The following SGK1 variants were observed in gnomAD, a reference collection of about 807,000 sequenced individuals.
SGK1 encodes the protein serine/threonine-protein kinase Sgk1.
In SGK1, 26 loss-of-function variants were observed where a neutral mutation model predicts 64.2. That is an observed-to-expected ratio of 0.40 (90% CI 0.30 to 0.56). SGK1 has a LOEUF of 0.56. Among genes scored for constraint, SGK1 ranks in the 20% least tolerant of loss-of-function variants. The probability of loss-of-function intolerance (pLI) is 0.38; values close to 1 mark genes in which losing one functional copy is unlikely to be tolerated. For synonymous variants in SGK1, 265 were observed against 239.7 expected (o/e 1.11, Z -0.98); for missense variants, 519 against 645.6 (o/e 0.80, Z 2.12).
chr6:134,175,378 T>A (rs1267701761), intron 3 of SGK1, among the ~76,000 whole-genome samples: 1 of 151,268 alleles, frequency 6.6e-6, no homozygotes, highest in Non-Finnish European at 1.5e-5. Context: ...CCCTCCGGGG[T>A]TTATCCCTGG....
At chr6:134,262,208 G>A in intron 1 of SGK1, 60 bp from the exon 2 acceptor site, 3 of 1,235,966 alleles carry the variant, frequency 2.4e-6, no homozygotes, top group Non-Finnish European at 3.4e-6. Flanking sequence ...ATGTTTATTG[G>A]GGATTTGGTG....
At chr6:134,299,713 T>A (rs1777416782) in intron 1 of SGK1, among the ~76,000 whole-genome samples, 1 of 151,854 alleles carries the variant, frequency 6.6e-6, no homozygotes, top group African/African-American at 2.4e-5. Context: ...GTGGAAATAC[T>A]CAATGTTTGG....
intron 2 of SGK1, among the ~76,000 whole-genome samples, chr6:134,210,247 T>A (rs142978121): frequency 6.6e-6 from 1 of 152,224 alleles, no homozygotes; most frequent in African/African-American, 2.4e-5. Flanking sequence ...TCATACCATA[T>A]GTGACAACGT....
intron 13 of SGK1, 95 bp downstream of exon 13, chr6:134,170,731 C>T (rs1383028472): frequency 1.2e-6 from 1 of 845,804 alleles, no homozygotes; most frequent in Non-Finnish European, 1.9e-6. Flanking sequence ...AAAACATCTG[C>T]CAATGTATTC....
intron 3 of SGK1, among the ~76,000 whole-genome samples, chr6:134,191,991 CA>C (rs1019013102): frequency 1.3e-5 from 2 of 151,678 alleles, no homozygotes; most frequent in Non-Finnish European, 2.9e-5. Flanking sequence ...CCACCATGCC[CA>C]GCTAATTTTT....
chr6:134,192,308 C>T (rs1279569403), intron 3 of SGK1, among the ~76,000 whole-genome samples: 1 of 151,974 alleles, frequency 6.6e-6, no homozygotes, highest in South Asian at 2.1e-4. Flanking sequence ...GACTGCCACG[C>T]TCATTTAAGA....
chr6:134,224,471 T>C lies in SGK1; in HGVS notation c.286-17040A>G, dbSNP rs561311267. Among the ~76,000 whole-genome samples, 8 of 152,306 alleles carry C rather than the reference T, an allele frequency of 5.3e-5. No homozygotes were observed. The South Asian group carries it at 1.4e-3, about 28-fold the overall frequency. ...AGTTAAGAATAATAATGTGAGTCTTTGAGTGTTTCAAGAAGATCCTGTATT... is the reference window on the plus strand; with the variant it reads ...AGTTAAGAATAATAATGTGAGTCTTCGAGTGTTTCAAGAAGATCCTGTATT... On this transcript the variant is annotated intron_variant, in intron 2 of 13. Transcript: ENST00000367858.
In SGK1 at chr6:134,269,366, T is replaced by G. The variant is rs140258292; in HGVS notation, c.70-7218A>C. Among the ~76,000 whole-genome samples, 136 of 147,260 alleles carry G rather than the reference T, an allele frequency of 9.2e-4. 5 individuals carry two copies. The highest frequency in any genetic ancestry group is 3.3e-3 in the African/African-American group (134 of 41,064). On this transcript the variant is annotated intron_variant, in intron 1 of 13. Transcript: ENST00000367858. The stretch of plus-strand genomic sequence containing the variant: ...CGAGAGAGTCAGCCCAGTTTTCTAG[T>G]GAAATTACTTGGATAGGTCAATAGA...
chr6:134,269,334 T>C (rs1250196683), intron 1 of SGK1, among the ~76,000 whole-genome samples: 2 of 147,364 alleles, frequency 1.4e-5, no homozygotes, highest in African/African-American at 4.9e-5. Flanking sequence ...TCAATAACTT[T>C]CAATTTCGAG....
chr6:134,179,089 G>A (rs374598738), intron 3 of SGK1, among the ~76,000 whole-genome samples: 5 of 151,776 alleles, frequency 3.3e-5, no homozygotes, highest in African/African-American at 1.2e-4. Context: ...AATTTTAAAA[G>A]GCTTATAAAT....
intron 3 of SGK1, among the ~76,000 whole-genome samples, chr6:134,183,644 C>T (rs891265780): frequency 7.9e-5 from 12 of 152,028 alleles, no homozygotes; most frequent in Non-Finnish European, 1.5e-4. Flanking sequence ...GCCTTGGGCA[C>T]GTTTGATCAT....
At position 134,169,980 on chromosome 6, in the gene SGK1, C is replaced by T. The variant is rs1774956747; in HGVS notation, c.*288G>A. ...AGGAGACCTTTTTTAGAACAGCGTCCGCTTTCTAACGAAACTCCTGCCTCC... is the reference window on the plus strand; with the variant it reads ...AGGAGACCTTTTTTAGAACAGCGTCTGCTTTCTAACGAAACTCCTGCCTCC... On this transcript the variant is annotated 3_prime_UTR_variant, in exon 14 of 14. Coordinates refer to ENST00000367858, the MANE Select transcript of SGK1 (RefSeq NM_001143676.3). 1 of 222,416 alleles carries T rather than the reference C, an allele frequency of 4.5e-6. No individual in the cohort carries two copies. Among genetic ancestry groups the T allele is most frequent in the Non-Finnish European group, 8.9e-6 (1 of 112,432 alleles). 13.8% of individuals were successfully genotyped at this position (222,416 alleles called of 1,614,324 possible).
At chr6:134,222,397 G>A (rs948406811) in intron 2 of SGK1, among the ~76,000 whole-genome samples, 18 of 150,484 alleles carry the variant, frequency 1.2e-4, no homozygotes, top group African/African-American at 3.4e-4. Flanking sequence ...GTGCAATGGC[G>A]CAATCTCAGC....
At chr6:134,305,978 C>T (rs950612691) in intron 1 of SGK1, among the ~76,000 whole-genome samples, 2 of 152,186 alleles carry the variant, frequency 1.3e-5, no homozygotes, top group African/African-American at 2.4e-5. Context: ...CCCCCAGGGG[C>T]CAGGTCCTGA....
At chr6:134,184,985 G>A (rs918425334) in intron 3 of SGK1, among the ~76,000 whole-genome samples, 3 of 152,160 alleles carry the variant, frequency 2.0e-5, no homozygotes, top group Non-Finnish European at 2.9e-5. Context: ...GACCCTGGCC[G>A]GAATAATTAT....
At chr6:134,297,002 G>A (rs543800960) in intron 1 of SGK1, 7 of 430,202 alleles carry the variant, frequency 1.6e-5, no homozygotes, top group African/African-American at 4.1e-5. Flanking sequence ...CTGTTCACTC[G>A]GGCAGGACAT....
rs1216770929 is a variant in SGK1, at chr6:134,234,977, A to G, written c.285+26956T>C. 2.0e-5 allele frequency among the ~76,000 whole-genome samples: 3 copies of G among 152,210 alleles called. No homozygotes were observed. The East Asian group carries it at 5.8e-4, about 29-fold the overall frequency. On this transcript the variant is annotated intron_variant, in intron 2 of 13. Coordinates refer to ENST00000367858, the MANE Select transcript of SGK1 (RefSeq NM_001143676.3). ...GAGTCAAGTATTGGAAAAAAAGACC[A>G]ATGAGGAGAGGCAAACAAGACATAA...
chr6:134,217,812 A>G (rs1776011975), intron 2 of SGK1, among the ~76,000 whole-genome samples: 1 of 152,216 alleles, frequency 6.6e-6, no homozygotes, highest in Admixed American at 6.5e-5. Context: ...ACTTGACCCC[A>G]CAAGAGATTG....
intron 1 of SGK1, 34 bp from the exon 2 acceptor site, chr6:134,262,182 T>G (rs562004996): frequency 1.4e-6 from 2 of 1,451,576 alleles, no homozygotes; most frequent in East Asian, 2.3e-5. Context: ...AAAACAAATG[T>G]GTTTGACTCC....
Sources: allele counts gnomAD v4.1 joint callset (sites outside exome capture counted in the v4.1 genomes callset), GRCh38; gene constraint gnomAD v4.1.1; transcripts MANE v1.5; gene names NCBI Gene and HGNC (gene_info 2026-07-23, HGNC 2026-07-21).